Variants in MAP3K13 observed in about 807,000 individuals in gnomAD.
MAP3K13 encodes mitogen-activated protein kinase kinase kinase 13, also known as leucine zipper-bearing kinase.
Under a neutral mutation model 104.0 loss-of-function variants are expected in MAP3K13, and 52 were observed. The observed-to-expected ratio is 0.50, with a 90% CI of 0.40 to 0.63. The LOEUF (loss-of-function observed/expected upper bound fraction) is 0.63. Ranked by LOEUF, MAP3K13 falls within the 20% of genes least tolerant of loss-of-function variation. The probability of loss-of-function intolerance (pLI) is 0.00; values close to 1 mark genes in which losing one functional copy is unlikely to be tolerated. For synonymous variants in MAP3K13, 394 were observed against 442.2 expected, an observed-to-expected ratio of 0.89 and a Z score of 1.37; for missense variants, 914 against 1,218.5, an observed-to-expected ratio of 0.75 and a Z score of 3.72.
At chr3:185,296,147 G>A (rs962973072) in intron 2 of MAP3K13, among the ~76,000 whole-genome samples, 3 of 152,204 alleles carry the variant, frequency 2.0e-5, no homozygotes. Flanking sequence ...AGGAGGCTGA[G>A]GTGGAAGGAT....
chr3:185,311,089 A>G (rs1296001888), intron 2 of MAP3K13, among the ~76,000 whole-genome samples: 1 of 152,176 alleles, frequency 6.6e-6, no homozygotes, highest in East Asian at 1.9e-4. Flanking sequence ...ATTTTCTTTT[A>G]TTATAGAATG....
At chr3:185,371,183 A>G (rs1256404031) in intron 1 of MAP3K13, among the ~76,000 whole-genome samples, 1 of 152,226 alleles carries the variant, frequency 6.6e-6, no homozygotes, top group African/African-American at 2.4e-5. Context: ...TTAAAATTAC[A>G]AAACAAAAAA....
intron 12 of MAP3K13, among the ~76,000 whole-genome samples, chr3:185,478,690 G>A (rs888167311): frequency 1.1e-4 from 17 of 151,738 alleles, no homozygotes; most frequent in African/African-American, 3.1e-4. Context: ...TGGCCAACAC[G>A]GCGAAACCCC....
At position 185,398,113 on chromosome 3, in the gene MAP3K13, T is replaced by C. The variant is rs978114698; in HGVS notation, c.-85-30384T>C. Among the ~76,000 whole-genome samples, 7 of 152,088 alleles carry C rather than the reference T, an allele frequency of 4.6e-5. 1 individual carries two copies. The Middle Eastern group carries it at 0.014, about 296-fold the overall frequency. ...CAGACTCTGGGAGGGTTTTGAGGTATTGGACAGACTTGTGGGGGTGAGGAG... is the reference window on the plus strand; with the variant it reads ...CAGACTCTGGGAGGGTTTTGAGGTACTGGACAGACTTGTGGGGGTGAGGAG... On this transcript the variant is annotated intron_variant, in intron 1 of 13. Transcript: ENST00000265026.
At chr3:185,297,436 C>T (rs560761825) in intron 2 of MAP3K13, among the ~76,000 whole-genome samples, 93 of 152,128 alleles carry the variant, frequency 6.1e-4, no homozygotes, top group African/African-American at 2.1e-3. Context: ...TAATTGGCAA[C>T]TTAGAAATAG....
intron 2 of MAP3K13, among the ~76,000 whole-genome samples, chr3:185,316,041 T>C (rs1470457668): frequency 6.6e-6 from 1 of 152,220 alleles, no homozygotes; most frequent in Non-Finnish European, 1.5e-5. Flanking sequence ...TGATTTTGCA[T>C]TTGAGAGTTT....
intron 1 of MAP3K13, among the ~76,000 whole-genome samples, chr3:185,419,019 TC>T (rs1713971189): frequency 6.6e-6 from 1 of 151,800 alleles, no homozygotes; most frequent in South Asian, 2.1e-4. Context: ...AATTTATAAT[TC>T]TTTTTTTTTT....
At chr3:185,324,074 G>A (rs1056909097) in intron 2 of MAP3K13, among the ~76,000 whole-genome samples, 4 of 152,134 alleles carry the variant, frequency 2.6e-5, no homozygotes, top group East Asian at 1.9e-4. Context: ...GCAGTGGTGC[G>A]ATCTCAGCTC....
At chr3:185,419,022 T>A (rs1713971957) in intron 1 of MAP3K13, among the ~76,000 whole-genome samples, 1 of 147,824 alleles carries the variant, frequency 6.8e-6, no homozygotes, top group East Asian at 2.0e-4. Flanking sequence ...TTATAATTCT[T>A]TTTTTTTTTT....
At chr3:185,398,813 C>A (rs7644730) in intron 1 of MAP3K13, among the ~76,000 whole-genome samples, 1 of 151,994 alleles carries the variant, frequency 6.6e-6, no homozygotes, top group Non-Finnish European at 1.5e-5. Flanking sequence ...ATGCTAAGTG[C>A]TCAGAGTCAA....
intron 12 of MAP3K13, among the ~76,000 whole-genome samples, chr3:185,477,925 A>T (rs2148928121): frequency 6.6e-6 from 1 of 152,214 alleles, no homozygotes; most frequent in Non-Finnish European, 1.5e-5. Context: ...TCCTTCTTTT[A>T]AAAGGTCACA....
At chr3:185,355,466 C>A (rs1282398497) in intron 2 of MAP3K13, among the ~76,000 whole-genome samples, 2 of 135,922 alleles carry the variant, frequency 1.5e-5, no homozygotes, top group African/African-American at 5.6e-5. Context: ...AACTCTGTCT[C>A]AAAAAAAAAA....
chr3:185,403,403 A>G (rs1485605621), intron 1 of MAP3K13, among the ~76,000 whole-genome samples: 2 of 152,204 alleles, frequency 1.3e-5, no homozygotes, highest in Non-Finnish European at 2.9e-5. Context: ...GGCACAACAT[A>G]ATGTACATAC....
intron 2 of MAP3K13, among the ~76,000 whole-genome samples, chr3:185,312,539 A>G (rs755135174): frequency 1.3e-5 from 2 of 152,228 alleles, no homozygotes; most frequent in Non-Finnish European, 2.9e-5. Context: ...GGGTTATACA[A>G]TGCAGAGATT....
intron 2 of MAP3K13, among the ~76,000 whole-genome samples, chr3:185,318,803 A>T (rs914319958): frequency 6.6e-6 from 1 of 152,230 alleles, no homozygotes; most frequent in African/African-American, 2.4e-5. Context: ...TGTTGAGTAG[A>T]TACAAAATAT....
At chr3:185,393,748 C>T (rs879663585) in intron 1 of MAP3K13, among the ~76,000 whole-genome samples, 74 of 152,182 alleles carry the variant, frequency 4.9e-4, no homozygotes, top group Admixed American at 7.2e-4. Context: ...TGAGCCACCG[C>T]GCCCAGCCGT....
intron 2 of MAP3K13, chr3:185,293,126 T>TC (rs1254338861): frequency 1.2e-6 from 1 of 865,198 alleles, no homozygotes; most frequent in African/African-American, 1.8e-5. Flanking sequence ...TTTTTCTTTT[T>TC]CTTTTTTTTG....
At chr3:185,365,103 T>TAC (rs1419689324) in intron 1 of MAP3K13, among the ~76,000 whole-genome samples, 3 of 152,176 alleles carry the variant, frequency 2.0e-5, no homozygotes, top group Non-Finnish European at 4.4e-5. Context: ...GTGAAAGAAA[T>TAC]ACAGTATGTA....
At chr3:185,443,380 C>T (rs374237213) in intron 3 of MAP3K13, 65 bp from the exon 4 acceptor site, 1 of 1,083,606 alleles carries the variant, frequency 9.2e-7, no homozygotes, top group Non-Finnish European at 1.3e-6. Context: ...ATTAAATATT[C>T]TTTAAATATA....
Sources: allele counts gnomAD v4.1 joint callset (sites outside exome capture counted in the v4.1 genomes callset), GRCh38; gene constraint gnomAD v4.1.1; transcripts MANE v1.5; gene names NCBI Gene and HGNC (gene_info 2026-07-23, HGNC 2026-07-21).